Variants in PINX1 observed in about 807,000 individuals in gnomAD.
PINX1 encodes PIN2 (TERF1) interacting telomerase inhibitor 1.
A neutral mutation model predicts 25.4 loss-of-function variants in PINX1; 34 were observed. The ratio of observed to expected loss-of-function variants is 1.34; its 90% CI spans 1.02 to 1.78. The LOEUF is 1.78. PINX1 is among the 40% of genes most tolerant of loss of function. PINX1 has a pLI of 0.00. For missense variants in PINX1, 592 were observed against 404.9 expected (o/e 1.46, Z -3.97); for synonymous variants, 197 against 147.7 (o/e 1.33, Z -2.42).
At chr8:10,785,792 T>A (rs1257102106) in intron 6 of PINX1, among the ~76,000 whole-genome samples, 1 of 152,250 alleles carries the variant, frequency 6.6e-6, no homozygotes, top group East Asian at 1.9e-4. Flanking sequence ...AACATATACG[T>A]GTGTACAGGA....
chr8:10,805,898 G>GAGGA (rs567131194), intron 6 of PINX1, among the ~76,000 whole-genome samples: 39 of 75,936 alleles, frequency 5.1e-4, no homozygotes, highest in African/African-American at 1.1e-3. Flanking sequence ...AGTGCTGAGG[G>GAGGA]GGTGACAGAG....
chr8:10,823,052 G>T (rs553975250), intron 5 of PINX1, among the ~76,000 whole-genome samples: 1 of 152,184 alleles, frequency 6.6e-6, no homozygotes, highest in Non-Finnish European at 1.5e-5. Flanking sequence ...CCAGGAAAGT[G>T]GAAAGAGTCA....
chr8:10,838,156 A>G (rs1426515923), intron 1 of PINX1, among the ~76,000 whole-genome samples: 1 of 152,216 alleles, frequency 6.6e-6, no homozygotes, highest in Non-Finnish European at 1.5e-5. Context: ...CTAGTTCTGA[A>G]GGCTGCCCAA....
chr8:10,820,138 G>T, intron 6 of PINX1, 55 bp downstream of exon 6: 2 of 1,120,776 alleles, frequency 1.8e-6, no homozygotes, highest in East Asian at 2.4e-5. Context: ...CCTATACACA[G>T]GTGAAAATCA....
chr8:10,787,932 A>T (rs1171944436), intron 6 of PINX1: 1 of 385,822 alleles, frequency 2.6e-6, no homozygotes, highest in South Asian at 2.0e-5. Flanking sequence ...TCAAATACAT[A>T]TTCAAAGTAA....
chr8:10,833,488 C>G (rs944871936), intron 2 of PINX1: 1 of 156,734 alleles, frequency 6.4e-6, no homozygotes, highest in East Asian at 1.9e-4. Flanking sequence ...AGAGTCTGAC[C>G]AGTCAGTGAG....
At chr8:10,821,143 G>C (rs1797855311) in intron 5 of PINX1, among the ~76,000 whole-genome samples, 1 of 152,198 alleles carries the variant, frequency 6.6e-6, no homozygotes, top group Non-Finnish European at 1.5e-5. Flanking sequence ...GGGAGGTTCT[G>C]GGTCAGACAC....
chr8:10,765,539 C>CGGCT lies in PINX1; in HGVS notation c.845_848dup (p.Pro284AlafsTer3), dbSNP rs761657715. 6.2e-7 allele frequency: 1 copy of CGGCT among 1,613,718 alleles called. No individual in the cohort carries two copies. Among genetic ancestry groups the CGGCT allele is most frequent in the Non-Finnish European group, 8.5e-7 (1 of 1,179,892 alleles). ...TCAGGGTGAAGTCCCGGCCCTCAGGCGGCTGCACATGGTCCCCTGCATCCT... is the reference window on the plus strand; with the variant it reads ...TCAGGGTGAAGTCCCGGCCCTCAGGCGGCTGGCTGCACATGGTCCCCTGCATCCT... On this transcript the variant is annotated frameshift_variant, in exon 7 of 7. Coordinates refer to ENST00000314787, the MANE Select transcript of PINX1 (RefSeq NM_017884.6). LOFTEE classifies it low-confidence loss of function (END_TRUNC).
chr8:10,830,691 T>C (rs1321443603), intron 4 of PINX1, among the ~76,000 whole-genome samples: 2 of 152,286 alleles, frequency 1.3e-5, no homozygotes, highest in East Asian at 1.9e-4. Context: ...AAAGAAGATA[T>C]AAAAATGGCC....
chr8:10,775,748 A>G (rs545119983), intron 6 of PINX1, among the ~76,000 whole-genome samples: 69 of 152,348 alleles, frequency 4.5e-4, no homozygotes, highest in African/African-American at 1.5e-3. Flanking sequence ...AACTGACAGA[A>G]CATGTGATCT....
At chr8:10,823,925 T>C (rs533135628) in intron 5 of PINX1, among the ~76,000 whole-genome samples, 1 of 152,376 alleles carries the variant, frequency 6.6e-6, no homozygotes, top group Non-Finnish European at 1.5e-5. Flanking sequence ...AAAATTTTAA[T>C]CTTCACTCTT....
At chr8:10,799,082 A>G (rs1314955494) in intron 6 of PINX1, among the ~76,000 whole-genome samples, 3 of 152,080 alleles carry the variant, frequency 2.0e-5, no homozygotes, top group Non-Finnish European at 4.4e-5. Flanking sequence ...CTGTATTATA[A>G]TATTTAAATT....
In PINX1 at chr8:10,765,358, G is replaced by A. The variant is rs1220442102; in HGVS notation, c.*43C>T. 2 of 1,524,776 alleles carry A rather than the reference G, an allele frequency of 1.3e-6. No individual in the cohort carries two copies. Among genetic ancestry groups the A allele is most frequent in the South Asian group, 1.3e-5 (1 of 77,618 alleles). 94.5% of individuals were successfully genotyped at this position (1,524,776 alleles called of 1,614,324 possible). On this transcript the variant is annotated 3_prime_UTR_variant, in exon 7 of 7. Coordinates refer to ENST00000314787, the MANE Select transcript of PINX1 (RefSeq NM_017884.6). ...GGCCAGAGGTGTCTGCCCCCGCAGT[G>A]CCCTGACAGCTGAGTGGTCGGAAGG...
intron 4 of PINX1, among the ~76,000 whole-genome samples, chr8:10,829,806 C>T (rs1224041232): frequency 6.6e-6 from 1 of 152,138 alleles, no homozygotes; most frequent in Non-Finnish European, 1.5e-5. Flanking sequence ...CTGCCTCAGC[C>T]TCCAAGTAGC....
At position 10,828,145 on chromosome 8, in the gene PINX1, G is replaced by A. The variant is rs113159176; in HGVS notation, c.302-1901C>T. Among the ~76,000 whole-genome samples the A allele has an allele frequency of 8.0e-4, 122 of 152,224 alleles. 1 individual carries two copies. The highest frequency in any genetic ancestry group is 2.8e-3 in the African/African-American group (117 of 41,530). Reference sequence around the variant, plus strand: ...TGAAGGCAGATGTTCCGCACTTGAGGCAAAGCCCAGCACGGGCTCATTATT... The same window carrying A: ...TGAAGGCAGATGTTCCGCACTTGAGACAAAGCCCAGCACGGGCTCATTATT... On this transcript the variant is annotated intron_variant, in intron 4 of 6. Coordinates refer to ENST00000314787, the MANE Select transcript of PINX1 (RefSeq NM_017884.6).
chr8:10,768,711 T>C (rs540978858), intron 6 of PINX1, among the ~76,000 whole-genome samples: 5 of 152,308 alleles, frequency 3.3e-5, no homozygotes, highest in South Asian at 2.1e-4. Flanking sequence ...GAAAAATACA[T>C]TGAAAATCTG....
intron 6 of PINX1, among the ~76,000 whole-genome samples, chr8:10,803,251 C>T (rs905433222): frequency 6.6e-6 from 1 of 152,304 alleles, no homozygotes; most frequent in East Asian, 1.9e-4. Context: ...ATCCTGAATG[C>T]TGCAGTAAAA....
chr8:10,798,371 T>C (rs987618931), intron 6 of PINX1, among the ~76,000 whole-genome samples: 14 of 152,218 alleles, frequency 9.2e-5, no homozygotes, highest in Non-Finnish European at 1.5e-4. Flanking sequence ...TCAAACGTAA[T>C]TGGAAACAAA....
intron 6 of PINX1, among the ~76,000 whole-genome samples, chr8:10,805,503 C>T (rs538777313): frequency 1.3e-5 from 2 of 151,630 alleles, no homozygotes; most frequent in African/African-American, 2.4e-5. Context: ...GAGTGGGTGA[C>T]AGAGCACAGG....
Sources: allele counts gnomAD v4.1 joint callset (sites outside exome capture counted in the v4.1 genomes callset), GRCh38; gene constraint gnomAD v4.1.1; transcripts MANE v1.5; gene names NCBI Gene and HGNC (gene_info 2026-07-23, HGNC 2026-07-21).